The following TRIM26 variants were observed in gnomAD, a reference collection of about 807,000 sequenced individuals.
TRIM26 encodes the protein tripartite motif-containing protein 26.
TRIM26 carries 16 observed loss-of-function variants against 45.5 expected under a neutral mutation model. The observed-to-expected ratio is 0.35, with a 90% confidence interval of 0.24 to 0.53. TRIM26 has a LOEUF of 0.53. Among genes scored for constraint, TRIM26 ranks in the 20% least tolerant of loss-of-function variants. The pLI, the probability that TRIM26 is intolerant of heterozygous loss-of-function variation, is 0.92. For synonymous variants in TRIM26, 273 were observed against 290.4 expected (o/e 0.94, Z 0.61); for missense variants, 442 against 691.1 (o/e 0.64, Z 4.04).
chr6:30,197,536 C>T (rs1776618222), intron 5 of TRIM26, among the ~76,000 whole-genome samples: 1 of 152,208 alleles, frequency 6.6e-6, no homozygotes, highest in Admixed American at 6.5e-5. Context: ...CCCCCCAACC[C>T]CATCTCTAAT....
At chr6:30,188,618 G>A (rs183898704) in intron 9 of TRIM26, 56 of 227,394 alleles carry the variant, frequency 2.5e-4, no homozygotes, top group African/African-American at 1.2e-3. Context: ...CAGACAGGCC[G>A]ACCTCCTCAA....
chr6:30,204,488 T>G (rs115601117), intron 2 of TRIM26, among the ~76,000 whole-genome samples, 168 bp downstream of exon 2: 2 of 152,202 alleles, frequency 1.3e-5, no homozygotes, highest in African/African-American at 4.8e-5. Context: ...TGTTGGACAG[T>G]AGTTTTCCTT....
At position 30,186,227 on chromosome 6, in the gene TRIM26, C is replaced by T; in HGVS notation, c.1269G>A (p.Glu423=). ...DEDEESLGDE[E]EEEEEEEEEV... is the part of the protein sequence containing the mutation. ...CCTCCTCTTCCTCCTCCTCTTCTTC[C>T]TCTTCATCGCCCAACGATTCCTCAT... Residue 423 remains glutamate, a synonymous_variant, in exon 10 of 10, where the codon GAG becomes GAA. Coordinates refer to ENST00000454678, the MANE Select transcript of TRIM26 (RefSeq NM_003449.5). The surrounding 1 kb of genome is among the most constrained non-coding windows in gnomAD (Gnocchi z 7.4). 6.3e-7 allele frequency: 1 copy of T among 1,598,300 alleles called. No homozygotes were observed. The highest frequency in any genetic ancestry group is 8.5e-7 in the Non-Finnish European group (1 of 1,172,176).
chr6:30,200,055 G>C (rs1453629672), intron 3 of TRIM26, among the ~76,000 whole-genome samples: 1 of 152,116 alleles, frequency 6.6e-6, no homozygotes, highest in East Asian at 1.9e-4. Context: ...AGGATCACTT[G>C]AACCGAGGAG....
chr6:30,212,510 T>C (rs1207749685), intron 1 of TRIM26, among the ~76,000 whole-genome samples: 1 of 152,244 alleles, frequency 6.6e-6, no homozygotes. Flanking sequence ...ATCTTCTCAA[T>C]TCTTCTGTAA....
chr6:30,188,581 T>C (rs191524052), intron 9 of TRIM26: 29 of 235,938 alleles, frequency 1.2e-4, no homozygotes, highest in Admixed American at 7.2e-4. Context: ...GTGAACTAGA[T>C]GAAGCTCTCA....
intron 1 of TRIM26, among the ~76,000 whole-genome samples, chr6:30,208,515 C>CTTTTTTTTTTTTTTTTT (rs35809533): frequency 7.8e-6 from 1 of 128,224 alleles, no homozygotes; most frequent in Non-Finnish European, 1.6e-5. Flanking sequence ...AATTTTTTTC[C>CTTTTTTTTTTTTTTTTT]TTTTTTTTTT....
chr6:30,202,835 TAAAAAGTCAATGTCATA>T (rs1167282438), intron 2 of TRIM26, among the ~76,000 whole-genome samples: 1 of 149,992 alleles, frequency 6.7e-6, no homozygotes, highest in African/African-American at 2.5e-5. Flanking sequence ...CCTAGTCTTT[TAAAAAGTCAATGTCATA>T]AAAAAAAACC....
Position 30,198,753 on chromosome 6 carries a change from C to T in TRIM26, c.351G>A (p.Gly117=). The change falls in exon 4 of 10, where the codon GGG becomes GGA. Residue 117 remains glycine (G), a synonymous_variant. Transcript: ENST00000454678. This position sits in a 1 kb window ranked among gnomAD's most constrained non-coding sequence, Gnocchi z 6.3. ...EKLHYYCEDD[G]KLLCVMCRES... is the part of the protein sequence containing the mutation. ...CCCGGCACATCACGCACAGCAGCTT[C>T]CCGTCGTCCTCACAGTAGTAGTGCA... The T allele has an allele frequency of 6.2e-7, 1 of 1,604,334 alleles. No individual in the cohort carries two copies. Among genetic ancestry groups the T allele is most frequent in the Non-Finnish European group, 8.5e-7 (1 of 1,179,954 alleles).
chr6:30,204,523 T>G (rs572546929), intron 2 of TRIM26, 133 bp downstream of exon 2: 1 of 152,274 alleles, frequency 6.6e-6, no homozygotes, highest in East Asian at 1.9e-4. Flanking sequence ...ATCTCAAGAT[T>G]TCAGAATTAG....
Position 30,186,671 on chromosome 6 carries a change from A to C in TRIM26, c.938-113T>G. On this transcript the variant is annotated intron_variant, in intron 9 of 9. Transcript: ENST00000454678. The surrounding 1 kb of genome is among the most constrained non-coding windows in gnomAD (Gnocchi z 7.4). The stretch of plus-strand genomic sequence containing the variant: ...TAGCGTTAAACAAAATTAAAGTTGC[A>C]TACATTAGTAATATAACTCAACATC... 4 of 1,299,948 alleles carry C rather than the reference A, an allele frequency of 3.1e-6. No individual in the cohort carries two copies. The highest frequency in any genetic ancestry group is 3.0e-5 in the African/African-American group (2 of 66,816). 80.5% of individuals were successfully genotyped at this position (1,299,948 alleles called of 1,614,324 possible).
intron 9 of TRIM26, chr6:30,188,270 G>A: frequency 2.7e-6 from 1 of 364,038 alleles, no homozygotes; most frequent in Non-Finnish European, 5.1e-6. Flanking sequence ...TGGCCTCTGA[G>A]TTCCACAAGT....
intron 1 of TRIM26, among the ~76,000 whole-genome samples, chr6:30,210,171 C>A (rs1337807534): frequency 6.6e-6 from 1 of 151,746 alleles, no homozygotes; most frequent in Non-Finnish European, 1.5e-5. Flanking sequence ...CGCCACTGCA[C>A]TCCAGCCTGG....
rs890499757 is a variant in TRIM26, at chr6:30,189,510, A to G, written c.812T>C (p.Val271Ala). The G allele has an allele frequency of 6.2e-7, 1 of 1,613,048 alleles. No homozygotes were observed. Among genetic ancestry groups the G allele is most frequent in the African/African-American group, 1.3e-5 (1 of 75,046 alleles). ...LNRYPRKKFW[V>A]GKPIARVVKK... is the part of the protein sequence containing the mutation. Reference sequence around the variant, plus strand: ...AACCACTCGAGCAATGGGTTTCCCAACCCAGAACTTCTTCCGTGGATACCT... The same window carrying G: ...AACCACTCGAGCAATGGGTTTCCCAGCCCAGAACTTCTTCCGTGGATACCT... The change falls in exon 8 of 10, where the codon GTT (valine) becomes GCT (alanine). Residue 271 changes from valine (V) to alanine (A), a missense_variant. Physicochemically the swap from Val to Ala is moderately conservative, Grantham distance 64. Transcript: ENST00000454678. The surrounding 1 kb of genome is among the most constrained non-coding windows in gnomAD (Gnocchi z 5.0).
intron 9 of TRIM26, among the ~76,000 whole-genome samples, chr6:30,187,831 T>C (rs886185740): frequency 7.1e-6 from 1 of 141,658 alleles, no homozygotes; most frequent in African/African-American, 2.7e-5. Context: ...GGCAGGAGAA[T>C]GGCGTGAACC....
chr6:30,193,154 G>GTATATA (rs1562199733), intron 6 of TRIM26, among the ~76,000 whole-genome samples: 6 of 49,140 alleles, frequency 1.2e-4, no homozygotes, highest in African/African-American at 4.4e-4. Flanking sequence ...GTGTGTGTGT[G>GTATATA]TGTGTGTGTA....
In TRIM26 at chr6:30,189,735, T is replaced by C; in HGVS notation, c.789-202A>G. 3 of 634,912 alleles carry C rather than the reference T, an allele frequency of 4.7e-6. No individual in the cohort carries two copies. Among genetic ancestry groups the C allele is most frequent in the Non-Finnish European group, 5.5e-6 (2 of 366,512 alleles). 39.3% of individuals were successfully genotyped at this position (634,912 alleles called of 1,614,324 possible). Reference sequence around the variant, plus strand: ...AGTAGACTCCACATCCAGGGCGCTCTGTCTACTAAGCCATGTTTCTAACCT... The same window carrying C: ...AGTAGACTCCACATCCAGGGCGCTCCGTCTACTAAGCCATGTTTCTAACCT... On this transcript the variant is annotated intron_variant, in intron 7 of 9. Transcript: ENST00000454678. This position sits in a 1 kb window ranked among gnomAD's most constrained non-coding sequence, Gnocchi z 5.0.
intron 1 of TRIM26, among the ~76,000 whole-genome samples, chr6:30,211,735 A>G (rs1029227475): frequency 1.3e-5 from 2 of 152,248 alleles, no homozygotes; most frequent in African/African-American, 4.8e-5. Context: ...AGCTCCCAAC[A>G]GCCAAAGCCA....
chr6:30,188,215 C>T (rs4382237), intron 9 of TRIM26: 1 of 110,514 alleles, frequency 9.0e-6, no homozygotes, highest in Non-Finnish European at 1.7e-5. Context: ...GAGACTCCGT[C>T]TCAAAAAAAA....
Sources: allele counts gnomAD v4.1 joint callset (sites outside exome capture counted in the v4.1 genomes callset), GRCh38; gene constraint gnomAD v4.1.1; non-coding constraint Gnocchi (gnomAD v3.1); transcripts MANE v1.5; gene names NCBI Gene and HGNC (gene_info 2026-07-23, HGNC 2026-07-21).